Variants in CPXM2 observed in about 807,000 individuals in gnomAD.
CPXM2 encodes carboxypeptidase X, M14 family member 2, also known as inactive carboxypeptidase-like protein X2.
A neutral mutation model predicts 86.1 loss-of-function variants in CPXM2; 66 were observed. The ratio of observed to expected loss-of-function variants is 0.77; its 90% CI spans 0.63 to 0.94. The LOEUF is 0.94. CPXM2 is among the 40% of genes least tolerant of loss of function. The pLI, the probability that CPXM2 is intolerant of heterozygous loss-of-function variation, is 0.00. For missense variants in CPXM2, 948 were observed against 1,026.3 expected (o/e 0.92, Z 1.04); for synonymous variants, 388 against 400.2 (o/e 0.97, Z 0.36).
chr10:123,827,885 T>A (rs59646169), intron 4 of CPXM2, among the ~76,000 whole-genome samples: 22,253 of 152,058 alleles, frequency 0.15, 1,758 homozygotes, highest in East Asian at 0.33. Context: ...TAAATCAGGG[T>A]GGGCAAGGTG....
rs759570968 is a variant in CPXM2, at chr10:123,766,951, G to A, written c.1479+22C>T. The A allele has an allele frequency of 3.1e-6, 5 of 1,599,658 alleles. No homozygotes were observed. In the Middle Eastern group the frequency reaches 8.3e-4, roughly 265 times the overall value. On this transcript the variant is annotated intron_variant, in intron 10 of 13. Transcript: ENST00000241305. ...AAGCCTTGCCTTTGGCTGCTTTACA[G>A]ATGACGGGTATTTTGACTCACCGTG...
intron 4 of CPXM2, among the ~76,000 whole-genome samples, chr10:123,839,224 G>A (rs780903721): frequency 3.9e-5 from 6 of 152,142 alleles, no homozygotes; most frequent in Non-Finnish European, 5.9e-5. Context: ...ACAGGAAACT[G>A]AGGGTCACAG....
At chr10:123,822,676 T>C (rs1441480344) in intron 4 of CPXM2, among the ~76,000 whole-genome samples, 3 of 151,464 alleles carry the variant, frequency 2.0e-5, no homozygotes, top group East Asian at 1.9e-4. Flanking sequence ...TACAAGAGAA[T>C]ATGCAAATAA....
intron 10 of CPXM2, among the ~76,000 whole-genome samples, chr10:123,764,534 T>A (rs1846424269): frequency 6.6e-6 from 1 of 151,996 alleles, no homozygotes; most frequent in South Asian, 2.1e-4. Context: ...TTGCCCAGGG[T>A]GGAGTGCAGT....
At chr10:123,927,119 A>G (rs924542629) in intron 2 of CPXM2, among the ~76,000 whole-genome samples, 2 of 152,120 alleles carry the variant, frequency 1.3e-5, no homozygotes, top group Non-Finnish European at 2.9e-5. Context: ...TCCAGACCCC[A>G]GCCACACTCC....
intron 4 of CPXM2, among the ~76,000 whole-genome samples, chr10:123,835,143 G>A (rs1848252833): frequency 6.6e-6 from 1 of 152,192 alleles, no homozygotes; most frequent in Non-Finnish European, 1.5e-5. Context: ...GGGAGTTAGT[G>A]AGCTAATCAG....
intron 7 of CPXM2, among the ~76,000 whole-genome samples, chr10:123,772,200 T>A (rs1222124260): frequency 6.6e-6 from 1 of 150,966 alleles, no homozygotes. Context: ...CTGGTTGTGG[T>A]TATCACCTCC....
intron 2 of CPXM2, among the ~76,000 whole-genome samples, chr10:123,917,222 C>T (rs953410312): frequency 3.3e-5 from 5 of 152,304 alleles, no homozygotes; most frequent in African/African-American, 7.2e-5. Context: ...TCTCTAGAGG[C>T]GCCCATAGAA....
intron 4 of CPXM2, among the ~76,000 whole-genome samples, chr10:123,799,499 C>T (rs1207964607): frequency 2.0e-5 from 3 of 152,294 alleles, no homozygotes; most frequent in African/African-American, 4.8e-5. Flanking sequence ...AATCACTAAC[C>T]GTTGATCACA....
intron 2 of CPXM2, among the ~76,000 whole-genome samples, chr10:123,933,189 G>A (rs1359269280): frequency 6.6e-6 from 1 of 152,152 alleles, no homozygotes; most frequent in Non-Finnish European, 1.5e-5. Flanking sequence ...GGGCAAGTAG[G>A]ACTGGTCTCC....
chr10:123,917,209 ATC>A (rs543987846), intron 2 of CPXM2, among the ~76,000 whole-genome samples: 2 of 152,228 alleles, frequency 1.3e-5, no homozygotes, highest in African/African-American at 2.4e-5. Context: ...CTCCCTTAAC[ATC>A]TCTCTAGAGG....
At chr10:123,832,012 G>T (rs930911508) in intron 4 of CPXM2, among the ~76,000 whole-genome samples, 3 of 151,232 alleles carry the variant, frequency 2.0e-5, no homozygotes, top group African/African-American at 7.3e-5. Flanking sequence ...ACTGGTGCAG[G>T]GCAGTGGTGT....
intron 3 of CPXM2, among the ~76,000 whole-genome samples, chr10:123,858,501 T>C (rs1848790379): frequency 6.6e-6 from 1 of 152,244 alleles, no homozygotes; most frequent in African/African-American, 2.4e-5. Context: ...GAGGCAATTT[T>C]ATGGCATCAT....
chr10:123,792,276 A>G (rs1411242011), intron 6 of CPXM2, among the ~76,000 whole-genome samples: 1 of 152,186 alleles, frequency 6.6e-6, no homozygotes, highest in Admixed American at 6.5e-5. Context: ...AATCAAGTGT[A>G]TTGAGCACTA....
At chr10:123,880,851 G>C (rs201176936) in intron 1 of CPXM2, among the ~76,000 whole-genome samples, 6 of 79,544 alleles carry the variant, frequency 7.5e-5, no homozygotes, top group African/African-American at 2.9e-4. Flanking sequence ...AAAAAAAAAA[G>C]ACTGAAGAAT....
At position 123,885,272 on chromosome 10, in the gene CPXM2, A is replaced by AAGGCTGGG. The variant is rs990609028; in HGVS notation, c.305-4971_305-4964dup. Among the ~76,000 whole-genome samples, 7 of 152,096 alleles carry AAGGCTGGG rather than the reference A, an allele frequency of 4.6e-5. No homozygotes were observed. Among genetic ancestry groups the AAGGCTGGG allele is most frequent in the Non-Finnish European group, 8.8e-5 (6 of 67,964 alleles). ...CCCACTCCGGAGGCTGGGAGGCTAGAAGGCTGGGAGGCTGGGAGGCTGGAA... is the reference window on the plus strand; with the variant it reads ...CCCACTCCGGAGGCTGGGAGGCTAGAAGGCTGGGAGGCTGGGAGGCTGGGAGGCTGGAA... On this transcript the variant is annotated intron_variant, in intron 1 of 13. Coordinates refer to ENST00000241305, the MANE Select transcript of CPXM2 (RefSeq NM_198148.3). This position sits in a 1 kb window ranked among gnomAD's most constrained non-coding sequence, Gnocchi z 4.0.
At chr10:123,883,243 C>T (rs1432619111) in intron 1 of CPXM2, among the ~76,000 whole-genome samples, 1 of 152,244 alleles carries the variant, frequency 6.6e-6, no homozygotes, top group Non-Finnish European at 1.5e-5. Context: ...GAACAGACTC[C>T]CCAAAGGGAG....
chr10:123,751,620 T>G, intron 13 of CPXM2: 1 of 985,426 alleles, frequency 1.0e-6, no homozygotes, highest in Non-Finnish European at 1.2e-6. Context: ...CATACTGATA[T>G]GCATCTAACT....
intron 11 of CPXM2, among the ~76,000 whole-genome samples, chr10:123,757,944 G>C (rs1293832380): frequency 6.6e-6 from 1 of 152,136 alleles, no homozygotes; most frequent in Non-Finnish European, 1.5e-5. Flanking sequence ...TTGAGGTTGA[G>C]AAGGGGAAGA....
Sources: gnomAD v4.1 joint callset for allele counts (sites outside exome capture counted in the v4.1 genomes callset) on GRCh38, gnomAD v4.1.1 for gene constraint, Gnocchi (gnomAD v3.1) non-coding constraint, MANE v1.5 for transcripts, NCBI Gene and HGNC (gene_info 2026-07-23, HGNC 2026-07-21) for gene names.